RSPH14: variants seen among roughly 807,000 people sequenced by gnomAD.
RSPH14 encodes the protein radial spoke head 14 homolog.
In RSPH14, 20 loss-of-function variants were observed where a neutral mutation model predicts 26.7. The ratio of observed to expected loss-of-function variants is 0.75; its 90% CI spans 0.53 to 1.09. RSPH14 has a LOEUF of 1.09. RSPH14 is among the 50% of genes least tolerant of loss of function. The pLI, the probability that RSPH14 is intolerant of heterozygous loss-of-function variation, is 0.00. For missense variants in RSPH14, 449 were observed against 457.2 expected (o/e 0.98, Z 0.16); for synonymous variants, 177 against 189.3 (o/e 0.93, Z 0.53).
the RSPH14 span, among the ~76,000 whole-genome samples, chr22:23,157,596 C>T: frequency 6.6e-6 from 1 of 152,210 alleles, no homozygotes; most frequent in African/African-American, 2.4e-5. Context: ...TTGTTTAATC[C>T]TCACAGCAAC....
chr22:23,179,023 A>G, the RSPH14 span, among the ~76,000 whole-genome samples: 1 of 152,186 alleles, frequency 6.6e-6, no homozygotes. Context: ...AACAGATGAC[A>G]AAACTGAGGC....
rs2068150058 is a variant in RSPH14 at position 23,064,080 on chromosome 22, G to A, written c.475C>T (p.Gln159Ter). 1 of 1,614,148 alleles carries A rather than the reference G, an allele frequency of 6.2e-7. No homozygotes were observed. Among genetic ancestry groups the A allele is most frequent in the African/African-American group, 1.3e-5 (1 of 75,030 alleles). ...AACTCCTCCTCCTCCACCTCCACCT[G>A]CAGCTTCCATACCAGTGAGGAAATC... The part of the protein sequence containing the change: ...GLISSLVWKL[Q>*]VEVEEEEFQE... Residue 159 changes from glutamine to a stop codon, truncating the protein, a stop_gained, in exon 5 of 7, where the codon CAG (glutamine) becomes TAG (stop). Coordinates refer to ENST00000216036, the MANE Select transcript of RSPH14 (RefSeq NM_014433.3). LOFTEE classifies it high-confidence loss of function.
the RSPH14 span, chr22:23,156,145 G>GAAAAC: frequency 1.1e-6 from 1 of 882,770 alleles, no homozygotes; most frequent in Non-Finnish European, 1.7e-6. Context: ...TGTCCTCCAA[G>GAAAAC]ACCCACTGAG....
At chr22:23,086,275 C>T (rs2068818012) in intron 4 of RSPH14, among the ~76,000 whole-genome samples, 1 of 152,222 alleles carries the variant, frequency 6.6e-6, no homozygotes, top group African/African-American at 2.4e-5. Flanking sequence ...CAGAGGCCTG[C>T]AGACTCCCAG....
intron 4 of RSPH14, among the ~76,000 whole-genome samples, chr22:23,107,679 G>A (rs1221895135): frequency 6.6e-6 from 1 of 152,184 alleles, no homozygotes; most frequent in Admixed American, 6.5e-5. Flanking sequence ...CCAAGGGAGC[G>A]CAGCAGTGGA....
chr22:23,166,032 G>C, the RSPH14 span, among the ~76,000 whole-genome samples: 1 of 151,606 alleles, frequency 6.6e-6, no homozygotes, highest in East Asian at 1.9e-4. Flanking sequence ...TGTAGTCCCA[G>C]CTACTTGGGA....
chr22:23,123,505 C>A, intron 4 of RSPH14: 2 of 956,306 alleles, frequency 2.1e-6, no homozygotes, highest in Non-Finnish European at 1.6e-6. Flanking sequence ...GCTAGAGAGG[C>A]CCAATCCAGG....
intron 6 of RSPH14, among the ~76,000 whole-genome samples, chr22:23,060,521 T>C (rs1367246359): frequency 6.6e-6 from 1 of 152,100 alleles, no homozygotes; most frequent in Non-Finnish European, 1.5e-5. Context: ...CCAATATTTC[T>C]TGAGCACCTA....
At chr22:23,139,002 C>G in intron 2 of RSPH14, 60 bp from the exon 3 acceptor site, 1 of 1,401,992 alleles carries the variant, frequency 7.1e-7, no homozygotes. Flanking sequence ...TCTCAGAAAC[C>G]AACCAACCCA....
At chr22:23,144,284 A>G (rs543618690), upstream of RSPH14, among the ~76,000 whole-genome samples, 5 of 96,420 alleles carry the variant, frequency 5.2e-5, no homozygotes, top group African/African-American at 1.2e-4. Context: ...GTGGACTCCA[A>G]TTTCCCTGAG....
the RSPH14 span, among the ~76,000 whole-genome samples, chr22:23,169,166 G>A: frequency 3.3e-5 from 5 of 152,228 alleles, no homozygotes; most frequent in Non-Finnish European, 5.9e-5. Flanking sequence ...CCAGTCACTC[G>A]GAACCTGGGA....
the RSPH14 span, among the ~76,000 whole-genome samples, chr22:23,157,460 T>C: frequency 2.6e-5 from 4 of 152,154 alleles, no homozygotes; most frequent in Admixed American, 2.6e-4. Flanking sequence ...GGGGTTTCAC[T>C]GTGTTAGCCA....
intron 4 of RSPH14, among the ~76,000 whole-genome samples, chr22:23,076,351 G>A (rs961335332): frequency 6.6e-6 from 1 of 152,198 alleles, no homozygotes; most frequent in African/African-American, 2.4e-5. Context: ...GCTGTGGAGG[G>A]ACTGAATATT....
At chr22:23,175,779 T>C in the RSPH14 span, among the ~76,000 whole-genome samples, 3 of 152,230 alleles carry the variant, frequency 2.0e-5, no homozygotes, top group African/African-American at 7.2e-5. Flanking sequence ...CTCCAGCTTC[T>C]GCAGCCAAGT....
chr22:23,084,900 G>A (rs1488008629), intron 4 of RSPH14, among the ~76,000 whole-genome samples: 2 of 152,198 alleles, frequency 1.3e-5, no homozygotes, highest in African/African-American at 4.8e-5. Flanking sequence ...CCCTACCATC[G>A]CATGTCCAGG....
At chr22:23,110,423 C>A (rs1201405257) in intron 4 of RSPH14, among the ~76,000 whole-genome samples, 2 of 152,224 alleles carry the variant, frequency 1.3e-5, no homozygotes, top group African/African-American at 4.8e-5. Flanking sequence ...GAGGCCCACC[C>A]CACCCATGGT....
the RSPH14 span, among the ~76,000 whole-genome samples, chr22:23,164,885 C>T: frequency 3.9e-4 from 59 of 152,158 alleles, no homozygotes; most frequent in African/African-American, 1.3e-3. Context: ...TTCGAGGCTC[C>T]TCACCACCCA....
intron 4 of RSPH14, among the ~76,000 whole-genome samples, chr22:23,113,792 C>T (rs1274229800): frequency 6.6e-6 from 1 of 152,228 alleles, no homozygotes; most frequent in Non-Finnish European, 1.5e-5. Context: ...TCAGGATGGC[C>T]CAGGCAGGTT....
At chr22:23,096,379 C>T in intron 4 of RSPH14, 5 of 1,612,354 alleles carry the variant, frequency 3.1e-6, no homozygotes, top group Non-Finnish European at 4.2e-6. Context: ...GTGTGGAGCT[C>T]AGCGGCTACG....
Sources: allele counts gnomAD v4.1 joint callset (sites outside exome capture counted in the v4.1 genomes callset), GRCh38; gene constraint gnomAD v4.1.1; transcripts MANE v1.5; gene names NCBI Gene and HGNC (gene_info 2026-07-23, HGNC 2026-07-21).